Variants in CEP112 observed in about 807,000 individuals in gnomAD.
CEP112 encodes the protein centrosomal protein of 112 kDa.
A neutral mutation model predicts 153.0 loss-of-function variants in CEP112; 127 were observed. The ratio of observed to expected loss-of-function variants is 0.83; its 90% confidence interval spans 0.72 to 0.96. The LOEUF (loss-of-function observed/expected upper bound fraction) is 0.96, where lower values mean the gene tolerates loss of function less well. Among genes scored for constraint, CEP112 ranks in the 40% least tolerant of loss-of-function variants. The probability of loss-of-function intolerance (pLI) is 0.00; values close to 1 mark genes in which losing one functional copy is unlikely to be tolerated. For synonymous variants in CEP112, 358 were observed against 374.4 expected, an observed-to-expected ratio of 0.96 and a Z score of 0.51; for missense variants, 1,089 against 1,101.2, an observed-to-expected ratio of 0.99 and a Z score of 0.16.
chr17:66,168,053 G>T (rs564761282), intron 4 of CEP112, among the ~76,000 whole-genome samples: 1 of 152,268 alleles, frequency 6.6e-6, no homozygotes, highest in East Asian at 1.9e-4. Flanking sequence ...AATTTGCAAT[G>T]TGTATGCACA....
intron 25 of CEP112, 53 bp from the exon 26 acceptor site, chr17:65,637,241 T>C: frequency 8.5e-7 from 1 of 1,181,242 alleles, no homozygotes; most frequent in Non-Finnish European, 1.3e-6. Context: ...CATGTCAATA[T>C]TGTGCAAATA....
rs377046998 is a variant in CEP112, at chr17:65,651,946, G to A, written c.2698-10881C>T. ...TCCAACTCCTGACCTCAGGTGATCC[G>A]CCTGCCTTGGCCTCCCAAAGTGCTG... On this transcript the variant is annotated intron_variant, in intron 24 of 26. Coordinates refer to ENST00000535342, the MANE Select transcript of CEP112 (RefSeq NM_001199165.4). Among the ~76,000 whole-genome samples, 26 of 152,234 alleles carry A rather than the reference G, an allele frequency of 1.7e-4. No individual in the cohort carries two copies. The East Asian group carries it at 2.5e-3, about 15-fold the overall frequency.
At chr17:65,647,234 C>T (rs1218775313) in intron 24 of CEP112, among the ~76,000 whole-genome samples, 2 of 136,580 alleles carry the variant, frequency 1.5e-5, no homozygotes, top group African/African-American at 5.6e-5. Flanking sequence ...AGTGCAATGG[C>T]GCGATCTCGG....
At chr17:65,973,450 T>G (rs144329184) in intron 17 of CEP112, among the ~76,000 whole-genome samples, 2 of 152,292 alleles carry the variant, frequency 1.3e-5, no homozygotes, top group South Asian at 2.1e-4. Context: ...GACTAAAGAT[T>G]TGAACACTTT....
intron 6 of CEP112, among the ~76,000 whole-genome samples, chr17:66,111,741 A>T (rs2069058504): frequency 6.6e-6 from 1 of 152,050 alleles, no homozygotes; most frequent in African/African-American, 2.4e-5. Flanking sequence ...GAAGAGAGAA[A>T]AGGGAACTAT....
chr17:65,743,486 A>G (rs981465378), intron 22 of CEP112, among the ~76,000 whole-genome samples: 4 of 152,246 alleles, frequency 2.6e-5, no homozygotes, highest in African/African-American at 9.6e-5. Context: ...CATCAGAAGA[A>G]AGAACATCTG....
intron 21 of CEP112, among the ~76,000 whole-genome samples, chr17:65,755,767 G>T (rs1234432098): frequency 6.6e-6 from 1 of 151,910 alleles, no homozygotes; most frequent in South Asian, 2.1e-4. Flanking sequence ...CCTAACATGG[G>T]AAAAGTTACA....
intron 17 of CEP112, among the ~76,000 whole-genome samples, chr17:65,971,086 T>G (rs1400916853): frequency 6.6e-6 from 1 of 152,230 alleles, no homozygotes; most frequent in Non-Finnish European, 1.5e-5. Flanking sequence ...ATGTCTTACA[T>G]GTATATTACA....
chr17:65,932,240 G>C (rs567551098), intron 18 of CEP112, among the ~76,000 whole-genome samples: 1 of 152,202 alleles, frequency 6.6e-6, no homozygotes, highest in African/African-American at 2.4e-5. Context: ...CAGAATCTTA[G>C]GCTAGACTAA....
intron 23 of CEP112, among the ~76,000 whole-genome samples, chr17:65,738,333 CA>C (rs1360401489): frequency 3.9e-5 from 6 of 152,118 alleles, no homozygotes; most frequent in African/African-American, 1.4e-4. Flanking sequence ...AGGGTTACGG[CA>C]GAAAGTATAA....
At chr17:66,021,766 G>A (rs1265567621) in intron 16 of CEP112, among the ~76,000 whole-genome samples, 1 of 152,124 alleles carries the variant, frequency 6.6e-6, no homozygotes, top group Non-Finnish European at 1.5e-5. Flanking sequence ...ATGCAGACTT[G>A]CCCAGTCCAG....
At chr17:65,648,602 T>G (rs552333838) in intron 24 of CEP112, among the ~76,000 whole-genome samples, 2 of 152,236 alleles carry the variant, frequency 1.3e-5, no homozygotes, top group Admixed American at 1.3e-4. Context: ...TAATAGACTA[T>G]AAGGTGTATG....
chr17:65,893,526 T>C (rs966308664), intron 20 of CEP112, among the ~76,000 whole-genome samples: 1 of 152,146 alleles, frequency 6.6e-6, no homozygotes, highest in Non-Finnish European at 1.5e-5. Flanking sequence ...TGAAAAAGTA[T>C]AATTTTCCTT....
At chr17:65,646,055 G>C (rs934479161) in intron 24 of CEP112, among the ~76,000 whole-genome samples, 1 of 152,142 alleles carries the variant, frequency 6.6e-6, no homozygotes. Context: ...CTTATGGTTG[G>C]TTTCTCTTGA....
chr17:65,794,107 G>A (rs771654159), intron 21 of CEP112, among the ~76,000 whole-genome samples: 2 of 152,000 alleles, frequency 1.3e-5, no homozygotes, highest in Admixed American at 6.6e-5. Context: ...TGAACAAAAC[G>A]GGCAAAATTT....
At chr17:65,820,831 A>G (rs369799988) in intron 21 of CEP112, among the ~76,000 whole-genome samples, 1 of 152,156 alleles carries the variant, frequency 6.6e-6, no homozygotes, top group Admixed American at 6.5e-5. Context: ...TCCGCATTCA[A>G]TATTAATATG....
intron 17 of CEP112, among the ~76,000 whole-genome samples, chr17:65,976,956 T>A (rs1035555441): frequency 6.6e-6 from 1 of 152,080 alleles, no homozygotes; most frequent in African/African-American, 2.4e-5. Flanking sequence ...CCAGGCTGTC[T>A]CAAACTCCCG....
chr17:65,728,360 A>G (rs1177176563), intron 23 of CEP112, among the ~76,000 whole-genome samples: 1 of 152,216 alleles, frequency 6.6e-6, no homozygotes, highest in African/African-American at 2.4e-5. Context: ...AAGAGAATAG[A>G]TGGAAGAGTT....
chr17:66,130,515 C>A (rs1049274269), intron 5 of CEP112, among the ~76,000 whole-genome samples: 5 of 152,046 alleles, frequency 3.3e-5, no homozygotes, highest in African/African-American at 9.7e-5. Context: ...GTGGCTCACA[C>A]CTGTAATCCC....
Sources: gnomAD v4.1 joint callset for allele counts (sites outside exome capture counted in the v4.1 genomes callset) on GRCh38, gnomAD v4.1.1 for gene constraint, MANE v1.5 for transcripts, NCBI Gene and HGNC (gene_info 2026-07-23, HGNC 2026-07-21) for gene names.